RGS12: variants seen among roughly 807,000 people sequenced by gnomAD.
The protein encoded by RGS12 is regulator of G protein signaling 12.
RGS12 carries 66 observed loss-of-function variants against 120.1 expected under a neutral mutation model. The ratio of observed to expected loss-of-function variants is 0.55; its 90% CI spans 0.45 to 0.67. The LOEUF is 0.67. Among genes scored for constraint, RGS12 ranks in the 30% least tolerant of loss-of-function variants. RGS12 has a pLI of 0.00. For synonymous variants in RGS12, 827 were observed against 804.7 expected, an observed-to-expected ratio of 1.03 and a Z score of -0.47; for missense variants, 1,859 against 1,957.7, an observed-to-expected ratio of 0.95 and a Z score of 0.95.
chr4:3,385,983 A>G (rs560858255), intron 3 of RGS12: 159 of 190,016 alleles, frequency 8.4e-4, no homozygotes, highest in African/African-American at 1.9e-3. Context: ...CATGGCACAC[A>G]GGCACTGAGT....
intron 17 of RGS12, among the ~76,000 whole-genome samples, chr4:3,434,440 T>G (rs1475578347): frequency 6.6e-6 from 1 of 152,144 alleles, no homozygotes; most frequent in Non-Finnish European, 1.5e-5. Flanking sequence ...TGGTGTGTGT[T>G]CGTGTGGCAT....
At chr4:3,367,620 G>A (rs1458696722) in intron 3 of RGS12, among the ~76,000 whole-genome samples, 1 of 152,222 alleles carries the variant, frequency 6.6e-6, no homozygotes, top group Non-Finnish European at 1.5e-5. Flanking sequence ...ATGTGGCAGG[G>A]GGCTCATCCC....
At chr4:3,305,859 G>C (rs1723944978) in intron 1 of RGS12, among the ~76,000 whole-genome samples, 1 of 152,258 alleles carries the variant, frequency 6.6e-6, no homozygotes, top group Non-Finnish European at 1.5e-5. Flanking sequence ...AAACACAGCA[G>C]CTGCTTGCAG....
chr4:3,407,803 T>C, intron 4 of RGS12, among the ~76,000 whole-genome samples: 1 of 152,376 alleles, frequency 6.6e-6, no homozygotes, highest in South Asian at 2.1e-4. Flanking sequence ...GGCCGTGTGT[T>C]ACAGAACTAA....
chr4:3,426,735 G>C (rs1723697996), intron 14 of RGS12: 1 of 152,174 alleles, frequency 6.6e-6, no homozygotes, highest in Admixed American at 6.5e-5. Context: ...GCGTGAGGAA[G>C]GTTACTCAGA....
At chr4:3,340,350 G>C (rs1285963593) in intron 2 of RGS12, among the ~76,000 whole-genome samples, 1 of 152,244 alleles carries the variant, frequency 6.6e-6, no homozygotes, top group Admixed American at 6.5e-5. Flanking sequence ...TGTCACTGGT[G>C]GGAAGGAAAA....
chr4:3,376,604 G>A (rs1453610528), intron 3 of RGS12, among the ~76,000 whole-genome samples: 7 of 152,250 alleles, frequency 4.6e-5, no homozygotes, highest in Non-Finnish European at 1.0e-4. Flanking sequence ...CAGACAGCAC[G>A]GGCCTGGAGA....
chr4:3,293,652 A>G (rs955925686), intron 1 of RGS12, among the ~76,000 whole-genome samples: 2 of 152,118 alleles, frequency 1.3e-5, no homozygotes, highest in Non-Finnish European at 2.9e-5. Flanking sequence ...TGCGGTGTAG[A>G]CAGAGAGGGG....
intron 3 of RGS12, among the ~76,000 whole-genome samples, chr4:3,377,726 T>C (rs564496432): frequency 6.6e-6 from 1 of 152,380 alleles, no homozygotes; most frequent in Non-Finnish European, 1.5e-5. Context: ...TGAATGTGGG[T>C]GGCCCAGACA....
At chr4:3,301,461 C>A (rs1246119509) in intron 1 of RGS12, among the ~76,000 whole-genome samples, 2 of 152,210 alleles carry the variant, frequency 1.3e-5, no homozygotes, top group African/African-American at 4.8e-5. Context: ...ATAGGAGAAT[C>A]ACATGTAGGA....
chr4:3,363,044 GGTGTATGTGT>G (rs1715875504), intron 3 of RGS12, among the ~76,000 whole-genome samples: 1 of 150,758 alleles, frequency 6.6e-6, no homozygotes, highest in Admixed American at 6.6e-5. Context: ...GGAACGCGAG[GGTGTATGTGT>G]GTGTGTGTGA....
intron 17 of RGS12, among the ~76,000 whole-genome samples, chr4:3,435,502 G>T (rs140582620): frequency 0.015 from 2,337 of 151,378 alleles, 22 homozygotes; most frequent in South Asian, 0.027. Flanking sequence ...CATCTGCTAG[G>T]TGCCTCTCCA....
intron 4 of RGS12, among the ~76,000 whole-genome samples, chr4:3,409,853 C>T (rs1392101879): frequency 2.6e-5 from 4 of 152,216 alleles, no homozygotes; most frequent in Non-Finnish European, 4.4e-5. Flanking sequence ...TCCCAGGGCC[C>T]CTCAGCTGGG....
chr4:3,407,780 A>G (rs1204065237), intron 4 of RGS12, among the ~76,000 whole-genome samples: 2 of 152,214 alleles, frequency 1.3e-5, no homozygotes, highest in African/African-American at 4.8e-5. Flanking sequence ...TGGATGAGAT[A>G]ACAACGGGCC....
intron 6 of RGS12, 90 bp downstream of exon 6, chr4:3,414,934 A>G: frequency 2.5e-6 from 2 of 802,832 alleles, no homozygotes; most frequent in Non-Finnish European, 4.0e-6. Context: ...CACGTGTGTG[A>G]GGGGCATGTG....
In RGS12 at chr4:3,374,832, G is replaced by A. The variant is rs115248749; in HGVS notation, c.1999-11584G>A. Among the ~76,000 whole-genome samples the A allele has an allele frequency of 0.02, 3,035 of 152,216 alleles. 81 individuals carry two copies. Among genetic ancestry groups the A allele is most frequent in the African/African-American group, 0.066 (2,724 of 41,532 alleles). ...CAGAGTGAGCAGCGCCATCCTAGCC[G>A]CCCCTGCTCTTTGCCCCATGGCTTT... is the stretch of plus-strand genomic sequence containing the variant. On this transcript the variant is annotated intron_variant, in intron 3 of 17. Transcript: ENST00000336727. The surrounding 1 kb of genome is among the most constrained non-coding windows in gnomAD (Gnocchi z 6.3).
At chr4:3,395,339 A>G (rs910477000) in intron 4 of RGS12, among the ~76,000 whole-genome samples, 1 of 152,150 alleles carries the variant, frequency 6.6e-6, no homozygotes, top group African/African-American at 2.4e-5. Context: ...TGGACTGTCC[A>G]TGGTGCAAAT....
At chr4:3,423,298 C>T (rs1360574688) in intron 12 of RGS12, among the ~76,000 whole-genome samples, 2 of 152,224 alleles carry the variant, frequency 1.3e-5, no homozygotes, top group Non-Finnish European at 2.9e-5. Flanking sequence ...GGCTGCTGTG[C>T]AGGACACTGC....
At position 3,317,911 on chromosome 4, in the gene RGS12, G is replaced by A. The variant is rs1430650688; in HGVS notation, c.1741G>A (p.Ala581Thr). 1.2e-5 allele frequency: 20 copies of A among 1,614,118 alleles called. No individual in the cohort carries two copies. Among genetic ancestry groups the A allele is most frequent in the Admixed American group, 3.3e-5 (2 of 60,032 alleles). The change falls in exon 2 of 18, where the codon GCA (alanine) becomes ACA (threonine). Residue 581 changes from alanine to threonine, a missense_variant. Physicochemically the swap from Ala to Thr is moderately conservative, Grantham distance 58 (BLOSUM62 0). Transcript: ENST00000336727. Reference sequence around the variant, plus strand: ...GCCCCCTCCTATGAGCAAGATCCCCGCAGACCGCTACAGGGTGGAGGGCAG... The same window carrying A: ...GCCCCCTCCTATGAGCAAGATCCCCACAGACCGCTACAGGGTGGAGGGCAG... ...TLPPPMSKIP[A>T]DRYRVEGSFA...
Sources: allele counts gnomAD v4.1 joint callset (sites outside exome capture counted in the v4.1 genomes callset), GRCh38; gene constraint gnomAD v4.1.1; non-coding constraint Gnocchi (gnomAD v3.1); transcripts MANE v1.5; gene names NCBI Gene and HGNC (gene_info 2026-07-23, HGNC 2026-07-21).